Variants in GRIK1 observed in about 807,000 individuals in gnomAD.
GRIK1 encodes glutamate receptor ionotropic, kainate 1.
Under a neutral mutation model 105.7 loss-of-function variants are expected in GRIK1, and 69 were observed. The ratio of observed to expected loss-of-function variants is 0.65; its 90% CI spans 0.54 to 0.80. GRIK1 has a LOEUF of 0.80. Among genes scored for constraint, GRIK1 ranks in the 30% least tolerant of loss-of-function variants. The probability of loss-of-function intolerance (pLI) is 0.00; values close to 1 mark genes in which losing one functional copy is unlikely to be tolerated. For missense variants in GRIK1, 1,109 were observed against 1,167.3 expected, an observed-to-expected ratio of 0.95 and a Z score of 0.73; for synonymous variants, 438 against 431.3, an observed-to-expected ratio of 1.02 and a Z score of -0.19.
At chr21:29,587,264 A>G (rs775098315) in intron 12 of GRIK1, 102 bp downstream of exon 12, 8 of 666,256 alleles carry the variant, frequency 1.2e-5, no homozygotes, top group Non-Finnish European at 2.1e-5. Flanking sequence ...AGGCAAAACT[A>G]AAAGTACACT....
At position 29,939,841 on chromosome 21, in the gene GRIK1, C is replaced by A. The variant is rs1230324214; in HGVS notation, c.-341G>T. ...GCTGCCCCGATCTGCAGGAACGTCT[C>A]CCTCATTCGTCCTTTGGTCAGATGC... On this transcript the variant is annotated 5_prime_UTR_variant, in exon 1 of 18. An upstream open reading frame in the 5' UTR gains an earlier in-frame stop. Coordinates refer to ENST00000327783, the MANE Select transcript of GRIK1 (RefSeq NM_001330994.2). 4.5e-6 allele frequency: 1 copy of A among 224,252 alleles called. No individual in the cohort carries two copies. Among genetic ancestry groups the A allele is most frequent in the African/African-American group, 2.3e-5 (1 of 43,740 alleles). 13.9% of individuals were successfully genotyped at this position (224,252 alleles called of 1,614,324 possible). A position where few individuals can be genotyped will look rare whatever the true frequency, so the allele number is the denominator to read the frequency against.
In GRIK1 at chr21:29,566,914, C is replaced by T. The variant is rs144072311; in HGVS notation, c.2131-5065G>A. On this transcript the variant is annotated intron_variant, in intron 14 of 17. Transcript: ENST00000327783. ...ATCTCTTAATACACAGAGCAGCAAA[C>T]TCAAGGCTTGGCTAATGTTTCCACA... Among the ~76,000 whole-genome samples the T allele has an allele frequency of 1.4e-4, 22 of 152,264 alleles. 2 individuals are homozygous for T. The highest frequency in any genetic ancestry group is 5.1e-4 in the African/African-American group (21 of 41,526).
intron 1 of GRIK1, among the ~76,000 whole-genome samples, chr21:29,848,755 G>GTATA (rs1555898463): frequency 3.3e-5 from 3 of 91,224 alleles, no homozygotes; most frequent in South Asian, 4.3e-4. Flanking sequence ...AGTTGTGTGT[G>GTATA]TATATATATA....
At chr21:29,547,280 C>T (rs532706498) in intron 16 of GRIK1, among the ~76,000 whole-genome samples, 2 of 152,292 alleles carry the variant, frequency 1.3e-5, no homozygotes, top group East Asian at 3.9e-4. Flanking sequence ...CAGGGGAGGC[C>T]TTTCTGCCTT....
intron 7 of GRIK1, among the ~76,000 whole-genome samples, chr21:29,631,106 C>T (rs1189331102): frequency 6.6e-6 from 1 of 152,096 alleles, no homozygotes; most frequent in Non-Finnish European, 1.5e-5. Flanking sequence ...CTGCACCTAG[C>T]CAGTTCGTGG....
At chr21:29,573,925 A>G (rs768000298) in intron 14 of GRIK1, among the ~76,000 whole-genome samples, 3 of 151,792 alleles carry the variant, frequency 2.0e-5, no homozygotes, top group Non-Finnish European at 4.4e-5. Context: ...GAGCATCTCT[A>G]TTCTGAAAAA....
chr21:29,788,010 T>G (rs965259089), intron 1 of GRIK1, among the ~76,000 whole-genome samples: 3 of 152,262 alleles, frequency 2.0e-5, no homozygotes, highest in Non-Finnish European at 4.4e-5. Flanking sequence ...ATTACTTCTA[T>G]TCATTCATTT....
At chr21:29,686,610 T>G (rs1443922637) in intron 3 of GRIK1, among the ~76,000 whole-genome samples, 1 of 152,248 alleles carries the variant, frequency 6.6e-6, no homozygotes, top group Admixed American at 6.5e-5. Context: ...TAAAGGTTTA[T>G]TGGAACACAC....
At chr21:29,866,056 A>G (rs1870524619) in intron 1 of GRIK1, among the ~76,000 whole-genome samples, 1 of 151,998 alleles carries the variant, frequency 6.6e-6, no homozygotes, top group Non-Finnish European at 1.5e-5. Flanking sequence ...ATCAGTACCA[A>G]AAGAGTTTTT....
At position 29,537,307 on chromosome 21, in the gene GRIK1, T is replaced by A; in HGVS notation, c.2773A>T (p.Thr925Ser). 1 of 1,611,154 alleles carries A rather than the reference T, an allele frequency of 6.2e-7. No individual in the cohort carries two copies. The highest frequency in any genetic ancestry group is 1.1e-5 in the South Asian group (1 of 90,924). Residue 925 changes from threonine (T) to serine (S), a missense_variant, in exon 18 of 18, where the codon ACT becomes TCT. Transcript: ENST00000327783. ...NQKKIKKKSRTKGKSSFTSIL... is the reference protein window; with the variant it reads ...NQKKIKKKSRSKGKSSFTSIL... ...CTTGTGAAGGAAGATTTCCCCTTAG[T>A]TCTTGACTTTTTCTTTATTTTTTTC...
At chr21:29,559,792 A>G (rs1207783661) in intron 15 of GRIK1, among the ~76,000 whole-genome samples, 1 of 152,164 alleles carries the variant, frequency 6.6e-6, no homozygotes, top group Non-Finnish European at 1.5e-5. Flanking sequence ...ACATTAGGAC[A>G]ATTCACCTAA....
At chr21:29,729,454 T>C (rs1162597886) in intron 1 of GRIK1, among the ~76,000 whole-genome samples, 1 of 152,142 alleles carries the variant, frequency 6.6e-6, no homozygotes, top group African/African-American at 2.4e-5. Flanking sequence ...CATGCTGTGG[T>C]GTTTGTCATA....
At chr21:29,676,517 T>C (rs1316626661) in intron 3 of GRIK1, among the ~76,000 whole-genome samples, 2 of 152,176 alleles carry the variant, frequency 1.3e-5, no homozygotes, top group African/African-American at 4.8e-5. Flanking sequence ...TTGCTAAACA[T>C]ATAATTGCTT....
chr21:29,804,392 T>C (rs1459394851), intron 1 of GRIK1, among the ~76,000 whole-genome samples: 1 of 152,150 alleles, frequency 6.6e-6, no homozygotes, highest in African/African-American at 2.4e-5. Context: ...ATTTGTGTGC[T>C]TGAAAGAGAT....
At chr21:29,629,194 ATGTGTGTGTGTGTGTG>A (rs71191120) in intron 7 of GRIK1, among the ~76,000 whole-genome samples, 4 of 132,570 alleles carry the variant, frequency 3.0e-5, no homozygotes, top group African/African-American at 1.2e-4. Context: ...GAAAGGAGAA[ATGTGTGTGTGTGTGTG>A]TGTGTGTGTG....
chr21:29,787,257 C>T (rs1382654484), intron 1 of GRIK1, among the ~76,000 whole-genome samples: 2 of 152,184 alleles, frequency 1.3e-5, no homozygotes, highest in Non-Finnish European at 2.9e-5. Context: ...TTCTGACATA[C>T]TAAGCCATTT....
At chr21:29,781,896 TC>T (rs1569086358) in intron 1 of GRIK1, among the ~76,000 whole-genome samples, 2 of 149,396 alleles carry the variant, frequency 1.3e-5, no homozygotes, top group Admixed American at 6.7e-5. Context: ...GGTCTCGATC[TC>T]CTGACCTCAT....
Position 29,578,558 on chromosome 21 carries a change from C to T in GRIK1, c.1913-1377G>A, listed in dbSNP as rs1055082173. Among the ~76,000 whole-genome samples, 17 of 152,260 alleles carry T rather than the reference C, an allele frequency of 1.1e-4. 1 individual carries two copies. The highest frequency in any genetic ancestry group is 2.0e-4 in the Admixed American group (3 of 15,286). ...CGGATATATTCTCCTAATGCTATTA[C>T]GTATCTTTGTGTTTTATTCCCTTTT... On this transcript the variant is annotated intron_variant, in intron 13 of 17. Coordinates refer to ENST00000327783, the MANE Select transcript of GRIK1 (RefSeq NM_001330994.2).
intron 1 of GRIK1, among the ~76,000 whole-genome samples, chr21:29,842,511 G>A (rs2068009915): frequency 6.6e-6 from 1 of 152,160 alleles, no homozygotes; most frequent in Non-Finnish European, 1.5e-5. Context: ...GTTAATTTAA[G>A]ATTGTTAACT....
Sources: gnomAD v4.1 joint callset for allele counts (sites outside exome capture counted in the v4.1 genomes callset) on GRCh38, gnomAD v4.1.1 for gene constraint, MANE v1.5 for transcripts, NCBI Gene and HGNC (gene_info 2026-07-23, HGNC 2026-07-21) for gene names.